ARHGAP32: variants seen among roughly 807,000 people sequenced by gnomAD.
The protein encoded by ARHGAP32 is rho GTPase-activating protein 32.
A neutral mutation model predicts 186.5 loss-of-function variants in ARHGAP32; 51 were observed. The ratio of observed to expected loss-of-function variants is 0.27; its 90% CI spans 0.22 to 0.35. The LOEUF (loss-of-function observed/expected upper bound fraction) is 0.35, where lower values mean the gene tolerates loss of function less well. Among genes scored for constraint, ARHGAP32 ranks in the 10% least tolerant of loss-of-function variants. The pLI is 1.00. For synonymous variants in ARHGAP32, 950 were observed against 964.3 expected, an observed-to-expected ratio of 0.99 and a Z score of 0.27; for missense variants, 2,186 against 2,623.5, an observed-to-expected ratio of 0.83 and a Z score of 3.64.
chr11:128,974,115 A>G lies in ARHGAP32; in HGVS notation c.3073+9T>C, dbSNP rs1565349260. 6.2e-7 allele frequency: 1 copy of G among 1,611,716 alleles called. No individual in the cohort carries two copies. The highest frequency in any genetic ancestry group is 8.5e-7 in the Non-Finnish European group (1 of 1,178,784). On this transcript the variant is annotated intron_variant, in intron 21 of 22. Transcript: ENST00000682385. ...ACTTAAAGAAAGAATGGAGGAAAAC[A>G]AACGGTACCTGTCTGAGTCTGTCCA...
chr11:128,987,214 C>T (rs750453863), intron 13 of ARHGAP32, among the ~76,000 whole-genome samples: 6 of 152,076 alleles, frequency 3.9e-5, no homozygotes, highest in Non-Finnish European at 5.9e-5. Context: ...AAAAGTTGTA[C>T]GCAGAATAGT....
At chr11:129,037,524 A>C (rs1464510452) in intron 11 of ARHGAP32, among the ~76,000 whole-genome samples, 6 of 151,908 alleles carry the variant, frequency 3.9e-5, no homozygotes, top group Non-Finnish European at 5.9e-5. Context: ...ACAAAAGAAT[A>C]TCTAAATAAA....
chr11:129,214,637 G>A (rs1446049208), intron 1 of ARHGAP32, among the ~76,000 whole-genome samples: 1 of 152,176 alleles, frequency 6.6e-6, no homozygotes, highest in Non-Finnish European at 1.5e-5. Flanking sequence ...GTTCCATGTA[G>A]AGACAATATT....
At chr11:129,230,296 T>C (rs529592699) in intron 1 of ARHGAP32, among the ~76,000 whole-genome samples, 2 of 152,254 alleles carry the variant, frequency 1.3e-5, no homozygotes, top group South Asian at 4.1e-4. Flanking sequence ...TTAAAAGAAA[T>C]TACTTGTTTC....
intron 2 of ARHGAP32, among the ~76,000 whole-genome samples, chr11:129,145,869 CAT>C (rs1397269272): frequency 6.6e-6 from 1 of 152,048 alleles, no homozygotes; most frequent in Non-Finnish European, 1.5e-5. Context: ...CCAGAGAAGT[CAT>C]AGAATCTTTA....
In ARHGAP32 at chr11:128,976,737, T is replaced by C. The variant is rs1344528668; in HGVS notation, c.2123-103A>G. ...ATACATTTAAACTTTTGAGAGTGAT[T>C]AGCTGTACATTTTGACAGCAATTTA... On this transcript the variant is annotated intron_variant, in intron 19 of 22. Transcript: ENST00000682385. 3 of 934,138 alleles carry C rather than the reference T, an allele frequency of 3.2e-6. No homozygotes were observed. The East Asian group carries it at 7.4e-5, about 23-fold the overall frequency. The allele number at this position is 934,138 out of a possible 1,614,324, so 57.9% of individuals were successfully genotyped here.
chr11:129,097,103 C>T (rs1230714083), intron 5 of ARHGAP32, among the ~76,000 whole-genome samples: 1 of 151,484 alleles, frequency 6.6e-6, no homozygotes, highest in Non-Finnish European at 1.5e-5. Flanking sequence ...ATTCAAATGT[C>T]CATTTTTCAA....
intron 11 of ARHGAP32, among the ~76,000 whole-genome samples, chr11:129,017,788 T>C (rs1938422395): frequency 6.6e-6 from 1 of 152,196 alleles, no homozygotes; most frequent in South Asian, 2.1e-4. Flanking sequence ...AAATAGATTA[T>C]TTCTTATGTT....
chr11:129,263,561 AGG>A (rs200229912), intron 1 of ARHGAP32, among the ~76,000 whole-genome samples: 19,192 of 90,232 alleles, frequency 0.21, 1,443 homozygotes, highest in East Asian at 0.26. Flanking sequence ...GGCAAAAAAA[AGG>A]AGGAGGAGGA....
intron 2 of ARHGAP32, among the ~76,000 whole-genome samples, chr11:129,163,459 C>T (rs1943570150): frequency 6.6e-6 from 1 of 152,140 alleles, no homozygotes. Flanking sequence ...ACTGCTTTTC[C>T]AGCATCTCAG....
At chr11:129,013,072 G>A (rs1190407980) in intron 11 of ARHGAP32, among the ~76,000 whole-genome samples, 3 of 152,154 alleles carry the variant, frequency 2.0e-5, no homozygotes, top group South Asian at 2.1e-4. Flanking sequence ...ACAAGGAAAC[G>A]TGGCTATCTT....
chr11:129,209,205 A>G (rs1313312761), intron 1 of ARHGAP32, among the ~76,000 whole-genome samples: 1 of 152,172 alleles, frequency 6.6e-6, no homozygotes, highest in Non-Finnish European at 1.5e-5. Flanking sequence ...ACAATTTTAA[A>G]AGCAAATTAT....
intron 1 of ARHGAP32, among the ~76,000 whole-genome samples, chr11:129,254,850 T>C (rs1324657495): frequency 6.6e-6 from 1 of 152,126 alleles, no homozygotes; most frequent in Non-Finnish European, 1.5e-5. Context: ...AAATGAGCAA[T>C]GATTTTAAAT....
chr11:129,118,117 T>C (rs921257725), intron 5 of ARHGAP32, among the ~76,000 whole-genome samples: 2 of 151,982 alleles, frequency 1.3e-5, no homozygotes, highest in Non-Finnish European at 2.9e-5. Flanking sequence ...CACAGGAAAA[T>C]ATCCAAACTT....
intron 5 of ARHGAP32, among the ~76,000 whole-genome samples, chr11:129,103,377 A>G (rs1358755515): frequency 1.3e-5 from 2 of 151,762 alleles, no homozygotes; most frequent in Non-Finnish European, 2.9e-5. Context: ...AAAAAAGAAT[A>G]AACAAAAATA....
chr11:128,969,229 G>T lies in ARHGAP32; in HGVS notation c.5984C>A (p.Pro1995His), dbSNP rs778104872. 1.9e-6 allele frequency: 3 copies of T among 1,613,978 alleles called. No individual in the cohort carries two copies. Among genetic ancestry groups the T allele is most frequent in the South Asian group, 1.1e-5 (1 of 91,068 alleles). The change falls in exon 23 of 23, where the codon CCT becomes CAT. Residue 1995 changes from proline (P) to histidine (H), a missense_variant. Transcript: ENST00000682385. This position sits in a 1 kb window ranked among gnomAD's most constrained non-coding sequence, Gnocchi z 4.8. ...GAGGCTATGACTCCTCTCTGGTTTAGGGGGTGGGACGATTGACTGAGTGAG... is the reference window on the plus strand; with the variant it reads ...GAGGCTATGACTCCTCTCTGGTTTATGGGGTGGGACGATTGACTGAGTGAG... ...EHLTQSIVPP[P>H]KPERSHSLKL...
chr11:129,067,775 C>A (rs1247822531), intron 6 of ARHGAP32, among the ~76,000 whole-genome samples: 1 of 152,060 alleles, frequency 6.6e-6, no homozygotes, highest in Admixed American at 6.6e-5. Flanking sequence ...TTCAGAGACA[C>A]CAGTTCCTCC....
At chr11:129,090,836 TTTG>T (rs1424544511) in intron 6 of ARHGAP32, among the ~76,000 whole-genome samples, 1 of 152,138 alleles carries the variant, frequency 6.6e-6, no homozygotes, top group African/African-American at 2.4e-5. Flanking sequence ...TTTATCTAAT[TTTG>T]GCCTTTTAAA....
chr11:129,141,527 C>T (rs576530628), intron 2 of ARHGAP32, among the ~76,000 whole-genome samples: 111 of 151,160 alleles, frequency 7.3e-4, no homozygotes, highest in Non-Finnish European at 1.1e-3. Flanking sequence ...ATGTAAATGA[C>T]GAGTTAATGG....
Sources: allele counts gnomAD v4.1 joint callset (sites outside exome capture counted in the v4.1 genomes callset), GRCh38; gene constraint gnomAD v4.1.1; non-coding constraint Gnocchi (gnomAD v3.1); transcripts MANE v1.5; gene names NCBI Gene and HGNC (gene_info 2026-07-23, HGNC 2026-07-21).